The following ETV2 variants were observed in gnomAD, a reference collection of about 807,000 sequenced individuals.
The protein encoded by ETV2 is ETS variant transcription factor 2, also known as ETS translocation variant 2.
A neutral mutation model predicts 35.7 loss-of-function variants in ETV2; 34 were observed. The observed-to-expected ratio is 0.95, with a 90% CI of 0.72 to 1.27. The LOEUF is 1.27. ETV2 is among the 50% of genes most tolerant of loss of function. The probability of loss-of-function intolerance (pLI) is 0.00; values close to 1 mark genes in which losing one functional copy is unlikely to be tolerated. For missense variants in ETV2, 512 were observed against 470.5 expected (o/e 1.09, Z -0.82); for synonymous variants, 207 against 203.9 (o/e 1.02, Z -0.13).
chr19:35,644,692 T>G lies in ETV2; in HGVS notation c.869T>G (p.Met290Arg). ...LWGERKRKPG[M>R]NYEKLSRGLR... ...GGCGAGCGCAAGAGAAAGCCGGGCA[T>G]GAATTACGAGAAGCTGAGCCGGGGC... The change falls in exon 7 of 7, where the codon ATG (methionine) becomes AGG (arginine). Residue 290 changes from methionine to arginine, a missense_variant. By Grantham distance (91) the Met-to-Arg change is moderately conservative (BLOSUM62 -1). Transcript: ENST00000402764. The surrounding 1 kb of genome is among the most constrained non-coding windows in gnomAD (Gnocchi z 4.7). 6.2e-7 allele frequency: 1 copy of G among 1,603,672 alleles called. No homozygotes were observed. The highest frequency in any genetic ancestry group is 8.5e-7 in the Non-Finnish European group (1 of 1,174,316).
chr19:35,643,461 G>C lies in ETV2; in HGVS notation c.423G>C (p.Ser141=). The change falls in exon 5 of 7, where the codon TCG becomes TCC. Residue 141 remains serine (S), a synonymous_variant. Coordinates refer to ENST00000402764, the MANE Select transcript of ETV2 (RefSeq NM_014209.4). The surrounding 1 kb of genome is among the most constrained non-coding windows in gnomAD (Gnocchi z 5.0). ...TCCCCGTGGCGGGAGAGGCCACCTC[G>C]TGGTCGCGCGCCCAGGCCGCCGGGA... ...NCVPVAGEAT[S]WSRAQAAGSN... 3 of 1,547,494 alleles carry C rather than the reference G, an allele frequency of 1.9e-6. No homozygotes were observed. The highest frequency in any genetic ancestry group is 4.9e-5 in the East Asian group (2 of 40,712).
Position 35,643,790 on chromosome 19 carries a change from T to C in ETV2, c.715+37T>C, listed in dbSNP as rs1282975166. 6.2e-7 allele frequency: 1 copy of C among 1,611,000 alleles called. No homozygotes were observed. Among genetic ancestry groups the C allele is most frequent in the Non-Finnish European group, 8.5e-7 (1 of 1,179,312 alleles). On this transcript the variant is annotated intron_variant, in intron 5 of 6. Coordinates refer to ENST00000402764, the MANE Select transcript of ETV2 (RefSeq NM_014209.4). This position sits in a 1 kb window ranked among gnomAD's most constrained non-coding sequence, Gnocchi z 5.0. ...GCAAAGACTGCGGGGAGGGCGAAGC[T>C]GGAGTCCTGAGCCGGGACCCAGGCA... is the stretch of plus-strand genomic sequence containing the variant.
rs955758904 is a variant in ETV2 at position 35,643,130 on chromosome 19, G to A, written c.235+85G>A. 9 of 1,385,414 alleles carry A rather than the reference G, an allele frequency of 6.5e-6. No homozygotes were observed. The East Asian group carries it at 2.0e-4, about 31-fold the overall frequency. 85.8% of individuals were successfully genotyped at this position (1,385,414 alleles called of 1,614,324 possible). On this transcript the variant is annotated intron_variant, in intron 4 of 6. Transcript: ENST00000402764. The surrounding 1 kb of genome is among the most constrained non-coding windows in gnomAD (Gnocchi z 5.0). ...AGGTGTAGACTCCCTGATCTTTGAG[G>A]ACTGAGAACACCTGCGCCCTCAAGG...
chr19:35,642,382 C>A lies in ETV2; in HGVS notation c.-27-52C>A. 1 of 962,684 alleles carries A rather than the reference C, an allele frequency of 1.0e-6. No homozygotes were observed. Among genetic ancestry groups the A allele is most frequent in the Non-Finnish European group, 1.6e-6 (1 of 643,030 alleles). The allele number at this position is 962,684 out of a possible 1,614,324, so 59.6% of individuals were successfully genotyped here. A position where few individuals can be genotyped will look rare whatever the true frequency, so the allele number is the denominator to read the frequency against. On this transcript the variant is annotated intron_variant, in intron 1 of 6. Transcript: ENST00000402764. This position sits in a 1 kb window ranked among gnomAD's most constrained non-coding sequence, Gnocchi z 4.4. The stretch of plus-strand genomic sequence containing the variant: ...TAGGGCTGGGGCCCAGACTCCAGGG[C>A]CTCCAAGTGTCACCAGCTCACCCAT...
At position 35,642,431 on chromosome 19, in the gene ETV2, C is replaced by T; in HGVS notation, c.-27-3C>T. 1 of 1,495,520 alleles carries T rather than the reference C, an allele frequency of 6.7e-7. No individual in the cohort carries two copies. Among genetic ancestry groups the T allele is most frequent in the Non-Finnish European group, 9.1e-7 (1 of 1,096,530 alleles). 92.6% of individuals were successfully genotyped at this position (1,495,520 alleles called of 1,614,324 possible). On this transcript the variant is annotated splice_region_variant and splice_polypyrimidine_tract_variant and intron_variant, in intron 1 of 6. Coordinates refer to ENST00000402764, the MANE Select transcript of ETV2 (RefSeq NM_014209.4). This position sits in a 1 kb window ranked among gnomAD's most constrained non-coding sequence, Gnocchi z 4.4. ...ATTGCCATCTGGACTTTTCCCGACC[C>T]AGAACATTCAGAAGGCCTTCATCGC...
rs1167915248 is a variant in ETV2 at position 35,644,183 on chromosome 19, G to A, written c.716-52G>A. On this transcript the variant is annotated intron_variant, in intron 5 of 6. Transcript: ENST00000402764. This position sits in a 1 kb window ranked among gnomAD's most constrained non-coding sequence, Gnocchi z 4.7. ...ACCCGGACCTCTAGATCATTGAAGT[G>A]GTGTGATCTAGGGCCGGGAAGACTG... The A allele has an allele frequency of 8.3e-7, 1 of 1,210,808 alleles. No individual in the cohort carries two copies. Among genetic ancestry groups the A allele is most frequent in the East Asian group, 2.5e-5 (1 of 39,368 alleles). The allele number at this position is 1,210,808 out of a possible 1,614,324, so 75.0% of individuals were successfully genotyped here. A position where few individuals can be genotyped will look rare whatever the true frequency, so the allele number is the denominator to read the frequency against.
Position 35,644,813 on chromosome 19 carries a change from G to A in ETV2, c.990G>A (p.Pro330=), listed in dbSNP as rs1967725373. 1 of 1,611,182 alleles carries A rather than the reference G, an allele frequency of 6.2e-7. No individual in the cohort carries two copies. The highest frequency in any genetic ancestry group is 1.3e-5 in the African/African-American group (1 of 74,888). The change falls in exon 7 of 7, where the codon CCG becomes CCA. Residue 330 remains proline, a synonymous_variant. Coordinates refer to ENST00000402764, the MANE Select transcript of ETV2 (RefSeq NM_014209.4). This position sits in a 1 kb window ranked among gnomAD's most constrained non-coding sequence, Gnocchi z 4.7. ...GCCGCGTGCCCAGCCTAGCCTATCC[G>A]GACTGTGCGGGAGGCGGACGGGGAG... is the stretch of plus-strand genomic sequence containing the variant. The part of the protein sequence containing the change: ...FGGRVPSLAY[P]DCAGGGRGAE...
In ETV2 at chr19:35,644,398, A is replaced by G. The variant is rs543851295; in HGVS notation, c.828+51A>G. On this transcript the variant is annotated intron_variant, in intron 6 of 6. Transcript: ENST00000402764. This position sits in a 1 kb window ranked among gnomAD's most constrained non-coding sequence, Gnocchi z 4.7. ...AATCCGCCCCGTCTCTTCTAGTTCA[A>G]TTTAGCTCCGCCCAAGGGCTAGGTT... The G allele has an allele frequency of 2.4e-5, 31 of 1,270,244 alleles. No homozygotes were observed. The South Asian group carries it at 3.3e-4, about 14-fold the overall frequency. The allele number at this position is 1,270,244 out of a possible 1,614,324, so 78.7% of individuals were successfully genotyped here. A position where few individuals can be genotyped will look rare whatever the true frequency, so the allele number is the denominator to read the frequency against.
In ETV2 at chr19:35,643,709, C is replaced by A. The variant is rs775318148; in HGVS notation, c.671C>A (p.Ser224Ter). The A allele has an allele frequency of 3.7e-6, 6 of 1,613,674 alleles. No homozygotes were observed. In the South Asian group the frequency reaches 5.5e-5, roughly 15 times the overall value. Residue 224 changes from serine (S) to a stop codon, truncating the protein, a stop_gained, in exon 5 of 7, where the codon TCG (serine) becomes TAG (stop). Coordinates refer to ENST00000402764, the MANE Select transcript of ETV2 (RefSeq NM_014209.4). LOFTEE classifies it high-confidence loss of function. The surrounding 1 kb of genome is among the most constrained non-coding windows in gnomAD (Gnocchi z 5.0). ...GTTTGCTCCGAACCGAGCCCGCAGT[C>A]GGACCGTGCCAGTTTGGCTCGATGC... ...LTVCSEPSPQ[S>*]DRASLARCPK...
chr19:35,644,800 G>T lies in ETV2; in HGVS notation c.977G>T (p.Ser326Ile), dbSNP rs375674337. 9 of 1,611,648 alleles carry T rather than the reference G, an allele frequency of 5.6e-6. No homozygotes were observed. In the African/African-American group the frequency reaches 1.2e-4, roughly 22 times the overall value. The change falls in exon 7 of 7, where the codon AGC becomes ATC. Residue 326 changes from serine to isoleucine, a missense_variant. Transcript: ENST00000402764. The surrounding 1 kb of genome is among the most constrained non-coding windows in gnomAD (Gnocchi z 4.7). ...TACCGCTTCGGGGGCCGCGTGCCCA[G>T]CCTAGCCTATCCGGACTGTGCGGGA... is the stretch of plus-strand genomic sequence containing the variant. ...YTYRFGGRVPSLAYPDCAGGG... is the reference protein window; with the variant it reads ...YTYRFGGRVPILAYPDCAGGG...
Position 35,644,356 on chromosome 19 carries a change from G to A in ETV2, c.828+9G>A, listed in dbSNP as rs1191975447. The A allele has an allele frequency of 2.7e-6, 4 of 1,490,168 alleles. No homozygotes were observed. The highest frequency in any genetic ancestry group is 3.6e-6 in the Non-Finnish European group (4 of 1,112,744). The allele number at this position is 1,490,168 out of a possible 1,614,324, so 92.3% of individuals were successfully genotyped here. On this transcript the variant is annotated intron_variant, in intron 6 of 6. Transcript: ENST00000402764. This position sits in a 1 kb window ranked among gnomAD's most constrained non-coding sequence, Gnocchi z 4.7. ...TGTGCGACCCCAAAGAGGTGGGGCAGCTCCCCTGCCCAGCCAAATCCGCCC... is the reference window on the plus strand; with the variant it reads ...TGTGCGACCCCAAAGAGGTGGGGCAACTCCCCTGCCCAGCCAAATCCGCCC...
rs149153832 is a variant in ETV2 at position 35,644,778 on chromosome 19, C to G, written c.955C>G (p.Arg319Gly). ...RKSGGRKYTY[R>G]FGGRVPSLAY... ...GAGCGGGGGGCGAAAGTACACGTAC[C>G]GCTTCGGGGGCCGCGTGCCCAGCCT... is the stretch of plus-strand genomic sequence containing the variant. Residue 319 changes from arginine (R) to glycine (G), a missense_variant, in exon 7 of 7, where the codon CGC becomes GGC. Transcript: ENST00000402764. This position sits in a 1 kb window ranked among gnomAD's most constrained non-coding sequence, Gnocchi z 4.7. 8 of 1,612,010 alleles carry G rather than the reference C, an allele frequency of 5.0e-6. No individual in the cohort carries two copies. In the African/African-American group the frequency reaches 1.1e-4, roughly 22 times the overall value.
rs1967653671 is a variant in ETV2 at position 35,643,187 on chromosome 19, C to T, written c.236-87C>T. The T allele has an allele frequency of 6.6e-7, 1 of 1,512,574 alleles. No individual in the cohort carries two copies. The highest frequency in any genetic ancestry group is 8.9e-7 in the Non-Finnish European group (1 of 1,129,724). The allele number at this position is 1,512,574 out of a possible 1,614,324, so 93.7% of individuals were successfully genotyped here. ...GACCTGGATCCGGGTCAGCCGGGCC[C>T]CAAGTGCCAGGGTTGAGAGCTTAGA... On this transcript the variant is annotated intron_variant, in intron 4 of 6. Transcript: ENST00000402764. The surrounding 1 kb of genome is among the most constrained non-coding windows in gnomAD (Gnocchi z 5.0).
Position 35,643,265 on chromosome 19 carries a change from T to C in ETV2, c.236-9T>C, listed in dbSNP as rs1224716105. The C allele has an allele frequency of 1.3e-6, 2 of 1,589,162 alleles. No individual in the cohort carries two copies. Among genetic ancestry groups the C allele is most frequent in the African/African-American group, 2.7e-5 (2 of 74,524 alleles). On this transcript the variant is annotated splice_polypyrimidine_tract_variant and intron_variant, in intron 4 of 6. Transcript: ENST00000402764. The surrounding 1 kb of genome is among the most constrained non-coding windows in gnomAD (Gnocchi z 5.0). ...GCTCCCCTCACTCGGGATCCGTTAC[T>C]CCTCACAGAGCCCGACTCTCAGGCT...
In ETV2 at chr19:35,642,781, C is replaced by T. The variant is rs1967636841; in HGVS notation, c.154+83C>T. Reference sequence around the variant, plus strand: ...AGGGCAAAGGGAGGAGGGGGGCGTGCCTAGGTTCCTGGGACTGGGTGGGGA... The same window carrying T: ...AGGGCAAAGGGAGGAGGGGGGCGTGTCTAGGTTCCTGGGACTGGGTGGGGA... On this transcript the variant is annotated intron_variant, in intron 3 of 6. Coordinates refer to ENST00000402764, the MANE Select transcript of ETV2 (RefSeq NM_014209.4). This position sits in a 1 kb window ranked among gnomAD's most constrained non-coding sequence, Gnocchi z 4.4. The T allele has an allele frequency of 2.5e-6, 3 of 1,214,754 alleles. No individual in the cohort carries two copies. The highest frequency in any genetic ancestry group is 3.5e-6 in the Non-Finnish European group (3 of 848,792). The allele number at this position is 1,214,754 out of a possible 1,614,324, so 75.2% of individuals were successfully genotyped here. A position where few individuals can be genotyped will look rare whatever the true frequency, so the allele number is the denominator to read the frequency against.
rs1159194762 is a variant in ETV2 at position 35,643,304 on chromosome 19, G to A, written c.266G>A (p.Gly89Glu). ...GACTCTCAGGCTCTTCCGTGGTCCG[G>A]GGACTGGACAGACATGGCGTGCACA... is the stretch of plus-strand genomic sequence containing the variant. ...EPDSQALPWS[G>E]DWTDMACTAW... Residue 89 changes from glycine to glutamate, a missense_variant, in exon 5 of 7, where the codon GGG becomes GAG. Gly to Glu is a moderately conservative substitution (Grantham distance 98). Coordinates refer to ENST00000402764, the MANE Select transcript of ETV2 (RefSeq NM_014209.4). The surrounding 1 kb of genome is among the most constrained non-coding windows in gnomAD (Gnocchi z 5.0). 8.7e-6 allele frequency: 14 copies of A among 1,602,682 alleles called. No homozygotes were observed. The highest frequency in any genetic ancestry group is 1.2e-5 in the Non-Finnish European group (14 of 1,176,464).
Position 35,644,425 on chromosome 19 carries a change from A to C in ETV2, c.828+78A>C. Reference sequence around the variant, plus strand: ...TTAGCTCCGCCCAAGGGCTAGGTTCAACCGCGTAGCCCTCGGCCCCGCCGC... The same window carrying C: ...TTAGCTCCGCCCAAGGGCTAGGTTCCACCGCGTAGCCCTCGGCCCCGCCGC... On this transcript the variant is annotated intron_variant, in intron 6 of 6. Coordinates refer to ENST00000402764, the MANE Select transcript of ETV2 (RefSeq NM_014209.4). The surrounding 1 kb of genome is among the most constrained non-coding windows in gnomAD (Gnocchi z 4.7). The C allele has an allele frequency of 3.7e-6, 4 of 1,077,568 alleles. No homozygotes were observed. Among genetic ancestry groups the C allele is most frequent in the Non-Finnish European group, 2.7e-6 (2 of 731,172 alleles). The allele number at this position is 1,077,568 out of a possible 1,614,324, so 66.8% of individuals were successfully genotyped here.
Position 35,644,337 on chromosome 19 carries a change from AC to A in ETV2, c.822del (p.Glu276ArgfsTer15). 6.5e-7 allele frequency: 1 copy of A among 1,548,496 alleles called. No homozygotes were observed. The highest frequency in any genetic ancestry group is 8.7e-7 in the Non-Finnish European group (1 of 1,144,850). On this transcript the variant is annotated frameshift_variant, in exon 6 of 7. Coordinates refer to ENST00000402764, the MANE Select transcript of ETV2 (RefSeq NM_014209.4). LOFTEE classifies it low-confidence loss of function (END_TRUNC). The surrounding 1 kb of genome is among the most constrained non-coding windows in gnomAD (Gnocchi z 4.7). ...TGNSREFQLCDPKEVARLWGE... is the reference protein window; with the variant it reads ...TGNSREFQLCXPKEVARLWGE... ...AACAGCCGCGAGTTCCAGCTGTGCG[AC>A]CCCAAAGAGGTGGGGCAGCTCCCCT...
In ETV2 at chr19:35,642,494, C is replaced by G. The variant is rs1004198304; in HGVS notation, c.34C>G (p.Gln12Glu). 5.0e-6 allele frequency: 8 copies of G among 1,610,994 alleles called. No homozygotes were observed. In the South Asian group the frequency reaches 5.5e-5, roughly 11 times the overall value. Residue 12 changes from glutamine (Q) to glutamate (E), a missense_variant, in exon 2 of 7, where the codon CAG (glutamine) becomes GAG (glutamate). Transcript: ENST00000402764. The surrounding 1 kb of genome is among the most constrained non-coding windows in gnomAD (Gnocchi z 4.4). ...GTGGAACTGGGATGAGGCATCCCCA[C>G]AGGAAGTGCCTCCAGGGAACAAGCT... ...DLWNWDEASPQEVPPGNKLAG... is the reference protein window; with the variant it reads ...DLWNWDEASPEEVPPGNKLAG...
Sources: allele counts gnomAD v4.1 joint callset, GRCh38; gene constraint gnomAD v4.1.1; non-coding constraint Gnocchi (gnomAD v3.1); transcripts MANE v1.5; gene names NCBI Gene and HGNC (gene_info 2026-07-23, HGNC 2026-07-21).